APBA2: variants seen among roughly 807,000 people sequenced by gnomAD.
APBA2 encodes the protein amyloid-beta A4 precursor protein-binding family A member 2.
Under a neutral mutation model 75.0 loss-of-function variants are expected in APBA2, and 30 were observed. That is an observed-to-expected ratio of 0.40 (90% CI 0.30 to 0.54). The LOEUF is 0.54. Among genes scored for constraint, APBA2 ranks in the 20% least tolerant of loss-of-function variants. APBA2 has a pLI of 0.49. For synonymous variants in APBA2, 444 were observed against 409.6 expected, an observed-to-expected ratio of 1.08 and a Z score of -1.01; for missense variants, 801 against 1,016.1, an observed-to-expected ratio of 0.79 and a Z score of 2.88.
At chr15:28,922,304 C>G (rs2034011976) in intron 2 of APBA2, among the ~76,000 whole-genome samples, 2 of 152,184 alleles carry the variant, frequency 1.3e-5, no homozygotes, top group African/African-American at 4.8e-5. Context: ...ACCCAGGTAG[C>G]CAGTCCCAGG....
chr15:29,054,282 A>T lies in APBA2; in HGVS notation c.398A>T (p.Glu133Val), dbSNP rs777772001. The change falls in exon 4 of 15, where the codon GAG becomes GTG. Residue 133 changes from glutamate to valine, a missense_variant. Glu to Val is a moderately radical substitution (Grantham distance 121). Coordinates refer to ENST00000683413, the MANE Select transcript of APBA2 (RefSeq NM_001353788.2). This position sits in a 1 kb window ranked among gnomAD's most constrained non-coding sequence, Gnocchi z 6.1. ...AGTGCACACCCTGTGGACACTGATG[A>T]GTGCCAGGAGGCGGTGGAGGAGTGG... ...AHSAHPVDTDECQEAVEEWTD... is the reference protein window; with the variant it reads ...AHSAHPVDTDVCQEAVEEWTD... 1.4e-5 allele frequency: 22 copies of T among 1,614,116 alleles called. No homozygotes were observed. In the South Asian group the frequency reaches 2.0e-4, roughly 14 times the overall value.
intron 14 of APBA2, among the ~76,000 whole-genome samples, chr15:29,115,874 G>C (rs1001234361): frequency 6.6e-6 from 1 of 152,174 alleles, no homozygotes; most frequent in Non-Finnish European, 1.5e-5. Context: ...CCCAGGGCCC[G>C]AGACCTGCTT....
chr15:28,895,248 T>C (rs551957577), intron 1 of APBA2, among the ~76,000 whole-genome samples: 3 of 152,280 alleles, frequency 2.0e-5, no homozygotes, highest in African/African-American at 7.2e-5. Context: ...ACAGCGCAGG[T>C]GTGGCCTCCC....
intron 2 of APBA2, among the ~76,000 whole-genome samples, chr15:28,929,624 T>C (rs2152685830): frequency 6.6e-6 from 1 of 152,276 alleles, no homozygotes; most frequent in Middle Eastern, 3.4e-3. Context: ...CACTTCCGCG[T>C]TGCTAGTTGT....
Position 29,113,351 on chromosome 15 carries a change from CG to C in APBA2, c.2038-516del, listed in dbSNP as rs143602819. On this transcript the variant is annotated intron_variant, in intron 13 of 14. Coordinates refer to ENST00000683413, the MANE Select transcript of APBA2 (RefSeq NM_001353788.2). ...CACAAAATGCCCTTACGTCACTTGG[CG>C]GGGGGGGGATGTAGGAATAAAGTGA... 1.2e-3 allele frequency among the ~76,000 whole-genome samples: 185 copies of C among 150,306 alleles called. 1 individual carries two copies. The highest frequency in any genetic ancestry group is 3.8e-3 in the African/African-American group (154 of 40,860).
At chr15:28,933,864 G>T (rs900993347) in intron 2 of APBA2, among the ~76,000 whole-genome samples, 22 of 152,176 alleles carry the variant, frequency 1.4e-4, no homozygotes, top group Admixed American at 1.3e-3. Context: ...ATGCTGGAGC[G>T]CAAGGAGGGG....
intron 7 of APBA2, 49 bp downstream of exon 7, chr15:29,093,269 G>C (rs749818575): frequency 1.2e-6 from 2 of 1,607,676 alleles, no homozygotes; most frequent in South Asian, 2.2e-5. Flanking sequence ...ACTTTGGGGG[G>C]CACTAGCAGG....
chr15:28,981,231 A>C (rs1555385981), intron 2 of APBA2, among the ~76,000 whole-genome samples: 1 of 152,232 alleles, frequency 6.6e-6, no homozygotes, highest in Non-Finnish European at 1.5e-5. Flanking sequence ...CAACCTACAG[A>C]ATGGGAGAAA....
chr15:28,896,005 C>T (rs1206775786), intron 1 of APBA2, among the ~76,000 whole-genome samples: 6 of 152,042 alleles, frequency 3.9e-5, no homozygotes, highest in African/African-American at 1.2e-4. Context: ...CCTAGCTACT[C>T]GGGAGGCTGA....
intron 10 of APBA2, 67 bp from the exon 11 acceptor site, chr15:29,105,312 C>T (rs986035340): frequency 1.3e-6 from 2 of 1,527,836 alleles, no homozygotes; most frequent in African/African-American, 2.7e-5. Context: ...GCCGCAGCCC[C>T]CTGCTGAGGA....
At chr15:28,893,543 C>A (rs546863362) in intron 1 of APBA2, among the ~76,000 whole-genome samples, 1 of 152,330 alleles carries the variant, frequency 6.6e-6, no homozygotes, top group East Asian at 1.9e-4. Context: ...TCGGGAATGG[C>A]ATTGGGTGAA....
intron 2 of APBA2, among the ~76,000 whole-genome samples, chr15:28,932,123 C>T (rs535130940): frequency 3.9e-5 from 6 of 152,232 alleles, no homozygotes; most frequent in African/African-American, 1.2e-4. Flanking sequence ...GTAAGATGTC[C>T]TTGGGAGGGG....
chr15:29,016,357 G>A (rs2039663479), intron 3 of APBA2, among the ~76,000 whole-genome samples: 2 of 152,208 alleles, frequency 1.3e-5, no homozygotes, highest in Non-Finnish European at 2.9e-5. Context: ...AAGCAACAGA[G>A]CTTAATGAGC....
intron 2 of APBA2, among the ~76,000 whole-genome samples, chr15:28,935,719 G>A (rs1566815139): frequency 6.6e-6 from 1 of 152,192 alleles, no homozygotes; most frequent in Non-Finnish European, 1.5e-5. Flanking sequence ...CAGCCACCTG[G>A]TCTCGGCTGA....
intron 2 of APBA2, 55 bp downstream of exon 2, chr15:28,921,804 G>A (rs953524228): frequency 3.3e-5 from 5 of 152,186 alleles, no homozygotes; most frequent in Non-Finnish European, 5.9e-5. Flanking sequence ...TCATGAATGA[G>A]TCTGGGCTGA....
At chr15:28,911,043 T>C (rs1396032375) in intron 1 of APBA2, among the ~76,000 whole-genome samples, 4 of 152,202 alleles carry the variant, frequency 2.6e-5, no homozygotes, top group East Asian at 1.9e-4. Context: ...AAACATCTTC[T>C]AGGTTTTGCA....
rs373959740 is a variant in APBA2 at position 28,924,333 on chromosome 15, C to T, written c.-95+2584C>T. 1.2e-4 allele frequency among the ~76,000 whole-genome samples: 19 copies of T among 152,204 alleles called. No homozygotes were observed. The East Asian group carries it at 1.7e-3, about 14-fold the overall frequency. On this transcript the variant is annotated intron_variant, in intron 2 of 14. Coordinates refer to ENST00000683413, the MANE Select transcript of APBA2 (RefSeq NM_001353788.2). ...AATTCAGTAACATGTAGTGCATTTGCAGTGTTGGGCACCCACTATCTGTGT... is the reference window on the plus strand; with the variant it reads ...AATTCAGTAACATGTAGTGCATTTGTAGTGTTGGGCACCCACTATCTGTGT...
intron 2 of APBA2, among the ~76,000 whole-genome samples, chr15:28,935,621 C>T (rs1182789043): frequency 2.0e-5 from 3 of 152,188 alleles, no homozygotes; most frequent in Non-Finnish European, 4.4e-5. Context: ...ATCTGCAGGA[C>T]TGGCATGAGG....
chr15:28,923,448 C>T (rs1029518668), intron 2 of APBA2, among the ~76,000 whole-genome samples: 1 of 152,098 alleles, frequency 6.6e-6, no homozygotes, highest in Non-Finnish European at 1.5e-5. Flanking sequence ...TTTAGGTGAA[C>T]CCTTATGCAG....
Sources: allele counts gnomAD v4.1 joint callset (sites outside exome capture counted in the v4.1 genomes callset), GRCh38; gene constraint gnomAD v4.1.1; non-coding constraint Gnocchi (gnomAD v3.1); transcripts MANE v1.5; gene names NCBI Gene and HGNC (gene_info 2026-07-23, HGNC 2026-07-21).